The following MARCHF5 variants were observed in gnomAD, a reference collection of about 807,000 sequenced individuals.
MARCHF5 encodes the protein E3 ubiquitin-protein ligase MARCHF5.
In MARCHF5, 5 loss-of-function variants were observed where a neutral mutation model predicts 36.5. The ratio of observed to expected loss-of-function variants is 0.14; its 90% CI spans 0.07 to 0.29. The LOEUF (loss-of-function observed/expected upper bound fraction) is 0.29. Among genes scored for constraint, MARCHF5 ranks in the 10% least tolerant of loss-of-function variants. The pLI is 1.00. For missense variants in MARCHF5, 179 were observed against 336.3 expected (o/e 0.53, Z 3.66); for synonymous variants, 103 against 109.9 (o/e 0.94, Z 0.39).
At chr10:92,312,987 G>A (rs557334899) in intron 2 of MARCHF5, among the ~76,000 whole-genome samples, 1 of 152,388 alleles carries the variant, frequency 6.6e-6, no homozygotes, top group South Asian at 2.1e-4. Context: ...TGTAATCCCA[G>A]CACTTTGGGA....
intron 2 of MARCHF5, among the ~76,000 whole-genome samples, chr10:92,337,518 C>CA (rs1190757094): frequency 3.3e-5 from 5 of 150,968 alleles, no homozygotes; most frequent in Non-Finnish European, 7.4e-5. Flanking sequence ...AACTCCGTCT[C>CA]AAAAAAAATA....
chr10:92,307,730 C>G (rs1379646910), intron 1 of MARCHF5, among the ~76,000 whole-genome samples: 1 of 151,896 alleles, frequency 6.6e-6, no homozygotes, highest in East Asian at 1.9e-4. Context: ...CAAAAACTAG[C>G]TGGGCATGGT....
At chr10:92,320,220 A>AT (rs77133668) in intron 2 of MARCHF5, among the ~76,000 whole-genome samples, 57 of 150,440 alleles carry the variant, frequency 3.8e-4, no homozygotes, top group Admixed American at 2.4e-3. Flanking sequence ...AACCTGGCTA[A>AT]TTTTTTTTTT....
chr10:92,345,825 G>A (rs1226838814), intron 3 of MARCHF5, among the ~76,000 whole-genome samples: 3 of 151,138 alleles, frequency 2.0e-5, no homozygotes, highest in Non-Finnish European at 4.4e-5. Context: ...CTCCTGCACA[G>A]CTGGGACTAC....
intron 1 of MARCHF5, among the ~76,000 whole-genome samples, chr10:92,292,590 G>T (rs775897018): frequency 5.0e-4 from 76 of 152,178 alleles, no homozygotes; most frequent in South Asian, 2.1e-4. Context: ...CTTCCAGAGT[G>T]ACAGACATTT....
intron 1 of MARCHF5, among the ~76,000 whole-genome samples, chr10:92,295,878 A>ATT (rs879371620): frequency 1.4e-5 from 2 of 144,458 alleles, no homozygotes; most frequent in African/African-American, 2.5e-5. Context: ...TATATATGGA[A>ATT]TTTTTTTTTT....
chr10:92,315,337 G>C (rs1218302013), intron 2 of MARCHF5, among the ~76,000 whole-genome samples: 1 of 152,238 alleles, frequency 6.6e-6, no homozygotes, highest in Non-Finnish European at 1.5e-5. Flanking sequence ...AGTGTCATCT[G>C]ATGATAGAAT....
intron 2 of MARCHF5, among the ~76,000 whole-genome samples, chr10:92,319,932 G>A (rs111242574): frequency 0.039 from 5,412 of 137,432 alleles, 335 homozygotes; most frequent in African/African-American, 0.14. Flanking sequence ...GATTACAGGC[G>A]TGAGCCACTG....
At chr10:92,342,744 TTAAG>T (rs1370047339) in intron 3 of MARCHF5, among the ~76,000 whole-genome samples, 2 of 152,244 alleles carry the variant, frequency 1.3e-5, no homozygotes, top group East Asian at 1.9e-4. Context: ...TCTAGATTGG[TTAAG>T]TGTTTCCTAA....
At chr10:92,304,779 C>T (rs900456234) in intron 1 of MARCHF5, among the ~76,000 whole-genome samples, 1 of 152,126 alleles carries the variant, frequency 6.6e-6, no homozygotes, top group Non-Finnish European at 1.5e-5. Flanking sequence ...TTTCTCCCCT[C>T]ATTCAGATTT....
chr10:92,340,140 A>G (rs1843560602), intron 2 of MARCHF5, among the ~76,000 whole-genome samples: 2 of 152,218 alleles, frequency 1.3e-5, no homozygotes, highest in Non-Finnish European at 2.9e-5. Context: ...TTTGATGGAA[A>G]AAGCAAGCTG....
At chr10:92,349,649 G>A (rs375725000) in intron 4 of MARCHF5, 22 bp from the exon 5 acceptor site, 16 of 1,610,858 alleles carry the variant, frequency 9.9e-6, no homozygotes, top group Admixed American at 1.7e-5. Context: ...TAGCACTAAC[G>A]CACTGCATTT....
At chr10:92,327,977 A>T (rs1431252035) in intron 2 of MARCHF5, among the ~76,000 whole-genome samples, 1 of 152,058 alleles carries the variant, frequency 6.6e-6, no homozygotes, top group Non-Finnish European at 1.5e-5. Context: ...TGTACATTTG[A>T]TCTGATGCAA....
intron 2 of MARCHF5, among the ~76,000 whole-genome samples, chr10:92,340,400 C>T (rs1843565433): frequency 6.6e-6 from 1 of 152,220 alleles, no homozygotes; most frequent in African/African-American, 2.4e-5. Flanking sequence ...AGCATCAAAA[C>T]ATCCAACTTC....
chr10:92,295,438 C>T (rs1241809759), intron 1 of MARCHF5, among the ~76,000 whole-genome samples: 2 of 142,442 alleles, frequency 1.4e-5, no homozygotes, highest in African/African-American at 2.5e-5. Context: ...GACAGAGTCT[C>T]GCTCAGTCGC....
At chr10:92,331,568 TA>T (rs1278127182) in intron 2 of MARCHF5, among the ~76,000 whole-genome samples, 3 of 152,048 alleles carry the variant, frequency 2.0e-5, no homozygotes, top group African/African-American at 7.2e-5. Flanking sequence ...TGTAGACTCC[TA>T]GGGGGCAGCA....
In MARCHF5 at chr10:92,340,654, T is replaced by A. The variant is rs1299886755; in HGVS notation, c.239-19T>A. The A allele has an allele frequency of 8.9e-6, 14 of 1,581,416 alleles. No homozygotes were observed. The Admixed American group carries it at 1.1e-4, about 13-fold the overall frequency. ...GTTCACCCTGTGTTGAACCTTTACT[T>A]CTTTTCTGTGTGTTATAGGTCCAGT... On this transcript the variant is annotated intron_variant, in intron 2 of 5. Transcript: ENST00000358935.
Position 92,302,618 on chromosome 10 carries a change from AT to A in MARCHF5, c.36-8512del, listed in dbSNP as rs1399609471. Among the ~76,000 whole-genome samples, 6 of 151,892 alleles carry A rather than the reference AT, an allele frequency of 4.0e-5. No individual in the cohort carries two copies. The East Asian group carries it at 1.2e-3, about 29-fold the overall frequency. On this transcript the variant is annotated intron_variant, in intron 1 of 5. Transcript: ENST00000358935. ...CACCACCACACCCGGCTAATTTTGT[AT>A]TTTTAGTAGAGACGGGGTTTCTCTA...
Position 92,328,435 on chromosome 10 carries a change from T to G in MARCHF5, c.239-12238T>G, listed in dbSNP as rs188130622. Among the ~76,000 whole-genome samples, 410 of 151,684 alleles carry G rather than the reference T, an allele frequency of 2.7e-3. 2 individuals carry two copies. Among genetic ancestry groups the G allele is most frequent in the Non-Finnish European group, 3.8e-3 (260 of 67,870 alleles). On this transcript the variant is annotated intron_variant, in intron 2 of 5. Transcript: ENST00000358935. ...CTCATCCTTTTATTTTTAATTCTTT[T>G]GGGTTCTTTTTTACATTTATTGTGA...
Sources: gnomAD v4.1 joint callset for allele counts (sites outside exome capture counted in the v4.1 genomes callset) on GRCh38, gnomAD v4.1.1 for gene constraint, MANE v1.5 for transcripts, NCBI Gene and HGNC (gene_info 2026-07-23, HGNC 2026-07-21) for gene names.